MIER2: variants seen among roughly 807,000 people sequenced by gnomAD.
MIER2 encodes the protein mesoderm induction early response protein 2.
A neutral mutation model predicts 67.6 loss-of-function variants in MIER2; 30 were observed. The observed-to-expected ratio is 0.44, with a 90% CI of 0.33 to 0.60. The LOEUF (loss-of-function observed/expected upper bound fraction) is 0.60, where lower values mean the gene tolerates loss of function less well. Among genes scored for constraint, MIER2 ranks in the 20% least tolerant of loss-of-function variants. The probability of loss-of-function intolerance (pLI) is 0.02; values close to 1 mark genes in which losing one functional copy is unlikely to be tolerated. For synonymous variants in MIER2, 372 were observed against 312.6 expected (o/e 1.19, Z -2.00); for missense variants, 702 against 745.1 (o/e 0.94, Z 0.67).
At chr19:322,284 C>A (rs886590315) in intron 7 of MIER2, among the ~76,000 whole-genome samples, 1 of 152,126 alleles carries the variant, frequency 6.6e-6, no homozygotes, top group Admixed American at 6.5e-5. Flanking sequence ...TAGAAAGAAA[C>A]GTGGAAGAAT....
intron 3 of MIER2, among the ~76,000 whole-genome samples, chr19:331,411 T>A (rs1006989836): frequency 6.7e-6 from 1 of 149,432 alleles, no homozygotes; most frequent in Non-Finnish European, 1.5e-5. Context: ...CTCACACCTA[T>A]ACTCCCAACA....
chr19:306,588 A>G lies in MIER2; in HGVS notation c.*102T>C. 6.7e-7 allele frequency: 1 copy of G among 1,481,842 alleles called. No homozygotes were observed. The highest frequency in any genetic ancestry group is 9.2e-7 in the Non-Finnish European group (1 of 1,086,624). The allele number at this position is 1,481,842 out of a possible 1,614,324, so 91.8% of individuals were successfully genotyped here. On this transcript the variant is annotated 3_prime_UTR_variant, in exon 14 of 14. Coordinates refer to ENST00000264819, the MANE Select transcript of MIER2 (RefSeq NM_017550.3). ...CTGAAGCAGAAGGAGGTGCTACCCC[A>G]AGGCCCGGGGGGTGGGGAAGGGGTC...
rs1431503624 is a variant in MIER2, at chr19:306,222, C to T, written c.*468G>A. 5.7e-6 allele frequency: 1 copy of T among 176,572 alleles called. No homozygotes were observed. Among genetic ancestry groups the T allele is most frequent in the Non-Finnish European group, 1.2e-5 (1 of 84,910 alleles). 10.9% of individuals were successfully genotyped at this position (176,572 alleles called of 1,614,324 possible). A position where few individuals can be genotyped will look rare whatever the true frequency, so the allele number is the denominator to read the frequency against. The stretch of plus-strand genomic sequence containing the variant: ...CCCAGGGCTGGGGCAGCCCGCGGCC[C>T]TGCCGGGTGTGGAGAGACAGAGCCA... On this transcript the variant is annotated 3_prime_UTR_variant, in exon 14 of 14. Transcript: ENST00000264819.
chr19:343,446 TTCTC>T (rs1241228770), intron 1 of MIER2, among the ~76,000 whole-genome samples: 1 of 152,202 alleles, frequency 6.6e-6, no homozygotes, highest in African/African-American at 2.4e-5. Flanking sequence ...GAAGAACTAA[TTCTC>T]GATGAAGGAA....
chr19:336,825 C>T (rs896134297), intron 1 of MIER2, among the ~76,000 whole-genome samples: 1 of 152,068 alleles, frequency 6.6e-6, no homozygotes, highest in African/African-American at 2.4e-5. Context: ...TTATAAGTTA[C>T]CATTATCACA....
chr19:332,091 T>C (rs1972054105), intron 3 of MIER2, among the ~76,000 whole-genome samples: 1 of 152,218 alleles, frequency 6.6e-6, no homozygotes, highest in South Asian at 2.1e-4. Flanking sequence ...GACAGTTCTT[T>C]TTATTTTCAT....
intron 1 of MIER2, chr19:344,385 G>A (rs1972643997): frequency 2.0e-6 from 2 of 984,426 alleles, no homozygotes; most frequent in Admixed American, 6.2e-5. Flanking sequence ...GGGAGGGGAG[G>A]CCTGCGCGCC....
At chr19:322,787 T>C (rs1432272042) in intron 7 of MIER2, among the ~76,000 whole-genome samples, 1 of 151,920 alleles carries the variant, frequency 6.6e-6, no homozygotes, top group Non-Finnish European at 1.5e-5. Flanking sequence ...GTCCATCAAG[T>C]GCCGAGTGCC....
intron 6 of MIER2, 95 bp from the exon 7 acceptor site, chr19:325,799 G>A (rs1971712940): frequency 2.2e-6 from 3 of 1,385,160 alleles, no homozygotes; most frequent in African/African-American, 1.4e-5. Context: ...TACGGGGAGG[G>A]GCCACTGTCC....
At chr19:344,361 G>A (rs2145587936) in intron 1 of MIER2, 1 of 984,956 alleles carries the variant, frequency 1.0e-6, no homozygotes, top group Non-Finnish European at 1.2e-6. Context: ...ACTCGGCAAA[G>A]TTGGCAAAGG....
In MIER2 at chr19:311,935, C is replaced by T; in HGVS notation, c.894G>A (p.Gly298=). 6.2e-7 allele frequency: 1 copy of T among 1,613,960 alleles called. No individual in the cohort carries two copies. The highest frequency in any genetic ancestry group is 8.5e-7 in the Non-Finnish European group (1 of 1,179,892). Reference sequence around the variant, plus strand: ...ACTCCTCTTCACTCCAAGCACAGAGCCCATCTGCAAACACGGCCGGGGAGA... The same window carrying T: ...ACTCCTCTTCACTCCAAGCACAGAGTCCATCTGCAAACACGGCCGGGGAGA... ...LRFNVKVIRD[G]LCAWSEEECR... is the part of the protein sequence containing the mutation. The change falls in exon 10 of 14, where the codon GGG becomes GGA. Residue 298 remains glycine (G), a synonymous_variant. Transcript: ENST00000264819.
chr19:325,367 G>C (rs1279022326), intron 7 of MIER2, among the ~76,000 whole-genome samples: 1 of 152,162 alleles, frequency 6.6e-6, no homozygotes, highest in Non-Finnish European at 1.5e-5. Flanking sequence ...GGGCAGGGCT[G>C]GGTCAGAGGC....
intron 1 of MIER2, 126 bp from the exon 2 acceptor site, chr19:336,299 T>C: frequency 1.4e-6 from 1 of 730,992 alleles, no homozygotes. Flanking sequence ...AGGGGCTTTG[T>C]CTCCGCCTCT....
chr19:334,615 G>A lies in MIER2; in HGVS notation c.101-73C>T, dbSNP rs183109177. On this transcript the variant is annotated intron_variant, in intron 2 of 13. Transcript: ENST00000264819. The stretch of plus-strand genomic sequence containing the variant: ...CAACCATCCTGCCGAGACTACTGAC[G>A]CCTGGTGAAGCCCTAAGGATGAGGC... 313 of 1,555,250 alleles carry A rather than the reference G, an allele frequency of 2.0e-4. 1 individual carries two copies. In the African/African-American group the frequency reaches 3.1e-3, roughly 15 times the overall value.
chr19:341,100 G>A (rs1972480238), intron 1 of MIER2, among the ~76,000 whole-genome samples: 1 of 152,204 alleles, frequency 6.6e-6, no homozygotes, highest in Non-Finnish European at 1.5e-5. Context: ...AGCATCCTAA[G>A]TGACCTCTGA....
chr19:339,579 C>G (rs1315057450), intron 1 of MIER2, among the ~76,000 whole-genome samples: 1 of 152,188 alleles, frequency 6.6e-6, no homozygotes, highest in African/African-American at 2.4e-5. Flanking sequence ...AACCATGTGA[C>G]CCAGGTCAGG....
chr19:311,054 C>T (rs575932902), intron 10 of MIER2, among the ~76,000 whole-genome samples: 2 of 152,368 alleles, frequency 1.3e-5, no homozygotes, highest in Admixed American at 6.5e-5. Context: ...CAACCAGCCC[C>T]GGGCAGGTGC....
rs996307017 is a variant in MIER2, at chr19:339,211, T to C, written c.10-3038A>G. 2.0e-5 allele frequency among the ~76,000 whole-genome samples: 3 copies of C among 151,756 alleles called. No individual in the cohort carries two copies. In the South Asian group the frequency reaches 6.3e-4, roughly 32 times the overall value. On this transcript the variant is annotated intron_variant, in intron 1 of 13. Coordinates refer to ENST00000264819, the MANE Select transcript of MIER2 (RefSeq NM_017550.3). ...GAGAAAATATCTGAAAAATAATCTATCTGATAAGGAACTTCTTCTCAGTAT... is the reference window on the plus strand; with the variant it reads ...GAGAAAATATCTGAAAAATAATCTACCTGATAAGGAACTTCTTCTCAGTAT...
Position 312,349 on chromosome 19 carries a change from G to T in MIER2, c.808-77C>A. 5 of 1,466,028 alleles carry T rather than the reference G, an allele frequency of 3.4e-6. No homozygotes were observed. The South Asian group carries it at 3.5e-5, about 10-fold the overall frequency. The allele number at this position is 1,466,028 out of a possible 1,614,324, so 90.8% of individuals were successfully genotyped here. On this transcript the variant is annotated intron_variant, in intron 8 of 13. Transcript: ENST00000264819. ...GCAAGAACTGTCTATACCATCCAGC[G>T]AGTGGCATCAGGGGCCGTCCACACC...
Sources: allele counts gnomAD v4.1 joint callset (sites outside exome capture counted in the v4.1 genomes callset), GRCh38; gene constraint gnomAD v4.1.1; transcripts MANE v1.5; gene names NCBI Gene and HGNC (gene_info 2026-07-23, HGNC 2026-07-21).